The following NREP variants were observed in gnomAD, a reference collection of about 807,000 sequenced individuals.
The protein encoded by NREP is neuronal regeneration-related protein.
A neutral mutation model predicts 8.6 loss-of-function variants in NREP; 5 were observed. That is an observed-to-expected ratio of 0.58 (90% CI 0.30 to 1.22). The LOEUF is 1.22. NREP is among the 50% of genes most tolerant of loss of function. The pLI is 0.07. For missense variants in NREP, 86 were observed against 82.5 expected (o/e 1.04, Z -0.17); for synonymous variants, 27 against 28.0 (o/e 0.96, Z 0.11).
intron 2 of NREP, among the ~76,000 whole-genome samples, chr5:111,924,412 T>C (rs1160962797): frequency 6.6e-6 from 1 of 151,488 alleles, no homozygotes; most frequent in Non-Finnish European, 1.5e-5. Flanking sequence ...GCCAGAGAGA[T>C]CTTGGAAGGC....
At chr5:111,754,773 CTG>C (rs1340495612) in intron 2 of NREP, among the ~76,000 whole-genome samples, 1 of 152,164 alleles carries the variant, frequency 6.6e-6, no homozygotes, top group Non-Finnish European at 1.5e-5. Context: ...AAAAATCAAA[CTG>C]AACTCATTTA....
At chr5:111,969,799 A>G (rs1021331058) in intron 2 of NREP, among the ~76,000 whole-genome samples, 1 of 152,182 alleles carries the variant, frequency 6.6e-6, no homozygotes, top group African/African-American at 2.4e-5. Context: ...GGTATTTTAA[A>G]CCTTGAGATT....
intron 2 of NREP, among the ~76,000 whole-genome samples, chr5:111,893,891 T>A (rs930908377): frequency 2.6e-5 from 4 of 151,964 alleles, no homozygotes; most frequent in African/African-American, 9.7e-5. Context: ...AACTATGAAT[T>A]GCTTTATTTT....
intron 2 of NREP, among the ~76,000 whole-genome samples, chr5:111,881,849 A>C (rs1177179832): frequency 6.6e-6 from 1 of 151,590 alleles, no homozygotes; most frequent in African/African-American, 2.4e-5. Flanking sequence ...ATCATCAAAG[A>C]CCAAAAATAG....
At chr5:111,898,189 C>T (rs979360196) in intron 2 of NREP, among the ~76,000 whole-genome samples, 20 of 151,940 alleles carry the variant, frequency 1.3e-4, no homozygotes, top group Non-Finnish European at 2.1e-4. Context: ...CTGGCTGTTA[C>T]GTTGAGAACA....
At chr5:111,807,782 A>G (rs1376603143) in intron 2 of NREP, among the ~76,000 whole-genome samples, 5 of 152,198 alleles carry the variant, frequency 3.3e-5, no homozygotes, top group Non-Finnish European at 5.9e-5. Flanking sequence ...AATGAAATTA[A>G]CCCACCAACT....
chr5:111,734,368 G>C (rs747725817), intron 3 of NREP: 86 of 174,368 alleles, frequency 4.9e-4, no homozygotes, highest in Non-Finnish European at 9.4e-4. Context: ...TTTAAGGAAA[G>C]CGCTACTATT....
intron 2 of NREP, among the ~76,000 whole-genome samples, chr5:111,880,516 C>T (rs2112512773): frequency 6.6e-6 from 1 of 152,182 alleles, no homozygotes; most frequent in Admixed American, 6.5e-5. Context: ...TCTGTCTGTG[C>T]ATTTTTCTGG....
intron 2 of NREP, among the ~76,000 whole-genome samples, chr5:111,898,419 C>G (rs1754565490): frequency 6.6e-6 from 1 of 152,108 alleles, no homozygotes; most frequent in Non-Finnish European, 1.5e-5. Flanking sequence ...AGTTTCTGGC[C>G]TAAGTAATTG....
chr5:111,895,715 T>C (rs1455644120), intron 2 of NREP, among the ~76,000 whole-genome samples: 2 of 152,140 alleles, frequency 1.3e-5, no homozygotes, highest in Non-Finnish European at 2.9e-5. Flanking sequence ...TGTAAGATAT[T>C]TAACATTATT....
intron 1 of NREP, among the ~76,000 whole-genome samples, chr5:111,976,539 C>G (rs867682157): frequency 1.3e-5 from 2 of 152,148 alleles, no homozygotes; most frequent in Admixed American, 1.3e-4. Context: ...AATAAATGAA[C>G]GAATTACATA....
intron 2 of NREP, among the ~76,000 whole-genome samples, chr5:111,825,930 G>A (rs531943210): frequency 1.8e-4 from 27 of 151,604 alleles, no homozygotes; most frequent in Non-Finnish European, 3.5e-4. Flanking sequence ...AAGGGAGTGT[G>A]GAAATATAAT....
At chr5:111,940,262 A>AG (rs1755795318) in intron 2 of NREP, 1 of 152,098 alleles carries the variant, frequency 6.6e-6, no homozygotes, top group African/African-American at 2.4e-5. Flanking sequence ...GAAATACCAA[A>AG]AACAAAATAT....
chr5:111,872,887 G>C (rs1025680011), intron 2 of NREP, among the ~76,000 whole-genome samples: 1 of 152,120 alleles, frequency 6.6e-6, no homozygotes. Flanking sequence ...AAGAACATAA[G>C]AGTAGTACAT....
intron 2 of NREP, among the ~76,000 whole-genome samples, chr5:111,821,655 T>A (rs1393114005): frequency 6.6e-6 from 1 of 152,178 alleles, no homozygotes; most frequent in African/African-American, 2.4e-5. Flanking sequence ...AGCCTGTTTT[T>A]AAAAAAACAA....
chr5:111,792,789 A>G (rs1366463891), intron 2 of NREP, among the ~76,000 whole-genome samples: 3 of 152,220 alleles, frequency 2.0e-5, no homozygotes, highest in African/African-American at 7.2e-5. Flanking sequence ...AACAAACAAA[A>G]TTTATTTCTG....
Position 111,847,609 on chromosome 5 carries a change from G to T in NREP, c.136-112102C>A, listed in dbSNP as rs946844528. Among the ~76,000 whole-genome samples the T allele has an allele frequency of 1.6e-4, 25 of 152,152 alleles. 1 individual carries two copies. Among genetic ancestry groups the T allele is most frequent in the Admixed American group, 4.6e-4 (7 of 15,270 alleles). ...TGCAAAGCAGTATGGTCCAATAATA[G>T]ACCCAAGTTTAAAGTTATCTGTTAA... is the stretch of plus-strand genomic sequence containing the variant. On this transcript the variant is annotated intron_variant, in intron 2 of 3. Coordinates refer to the NREP transcript ENST00000395634.
At chr5:111,867,320 C>T (rs936686792) in intron 2 of NREP, among the ~76,000 whole-genome samples, 3 of 152,142 alleles carry the variant, frequency 2.0e-5, no homozygotes, top group African/African-American at 7.2e-5. Flanking sequence ...GGCAAAGGCT[C>T]TCTTCCTCTC....
intron 2 of NREP, among the ~76,000 whole-genome samples, chr5:111,899,948 C>T (rs920578044): frequency 5.9e-5 from 9 of 152,010 alleles, no homozygotes; most frequent in African/African-American, 2.2e-4. Context: ...CTTAATCTGC[C>T]AAGAGACATT....
Sources: allele counts gnomAD v4.1 joint callset (sites outside exome capture counted in the v4.1 genomes callset), GRCh38; gene constraint gnomAD v4.1.1; transcripts MANE v1.5; gene names NCBI Gene and HGNC (gene_info 2026-07-23, HGNC 2026-07-21).